CNTN3: variants seen among roughly 807,000 people sequenced by gnomAD.
The protein encoded by CNTN3 is contactin-3.
Under a neutral mutation model 119.1 loss-of-function variants are expected in CNTN3, and 60 were observed. The ratio of observed to expected loss-of-function variants is 0.50; its 90% confidence interval spans 0.41 to 0.62. The LOEUF (loss-of-function observed/expected upper bound fraction) is 0.62. Ranked by LOEUF, CNTN3 falls within the 20% of genes least tolerant of loss-of-function variation. CNTN3 has a pLI of 0.00. For missense variants in CNTN3, 1,101 were observed against 1,242.4 expected (o/e 0.89, Z 1.71); for synonymous variants, 450 against 438.7 (o/e 1.03, Z -0.32).
intron 13 of CNTN3, among the ~76,000 whole-genome samples, chr3:74,327,144 G>C (rs966929543): frequency 1.9e-5 from 1 of 51,968 alleles, no homozygotes; most frequent in Non-Finnish European, 4.2e-5. Context: ...TTGTTTGTTT[G>C]TTTGAGACAG....
At chr3:74,279,840 T>TCC (rs1559677891) in intron 20 of CNTN3, among the ~76,000 whole-genome samples, 1 of 150,174 alleles carries the variant, frequency 6.7e-6, no homozygotes, top group African/African-American at 2.5e-5. Flanking sequence ...ACATAGAGAG[T>TCC]AGAAGGATGA....
chr3:74,577,676 G>A (rs1175890251), intron 1 of CNTN3, among the ~76,000 whole-genome samples: 2 of 151,924 alleles, frequency 1.3e-5, no homozygotes, highest in Non-Finnish European at 1.5e-5. Context: ...TTAAGTGAAA[G>A]AAGGTTGACT....
intron 1 of CNTN3, among the ~76,000 whole-genome samples, chr3:74,590,338 A>G (rs1188747539): frequency 6.6e-6 from 1 of 152,062 alleles, no homozygotes; most frequent in Non-Finnish European, 1.5e-5. Context: ...AAGTAAAGTA[A>G]ACATATACAA....
chr3:74,510,046 CAT>C (rs5850186), intron 2 of CNTN3, among the ~76,000 whole-genome samples: 1 of 147,802 alleles, frequency 6.8e-6, no homozygotes, highest in African/African-American at 2.5e-5. Context: ...TATAAGTTTT[CAT>C]ATATATATAT....
chr3:74,385,738 G>C (rs986687910), intron 5 of CNTN3, among the ~76,000 whole-genome samples: 22 of 152,344 alleles, frequency 1.4e-4, no homozygotes, highest in African/African-American at 5.3e-4. Context: ...CCATATGCAT[G>C]CTGTGGTTGA....
At chr3:74,472,149 T>C (rs1702577022) in intron 4 of CNTN3, among the ~76,000 whole-genome samples, 1 of 152,214 alleles carries the variant, frequency 6.6e-6, no homozygotes, top group Non-Finnish European at 1.5e-5. Flanking sequence ...ATCTCAGTGA[T>C]GAAGATTCCA....
At chr3:74,457,115 T>G (rs1287826267) in intron 4 of CNTN3, among the ~76,000 whole-genome samples, 1 of 152,096 alleles carries the variant, frequency 6.6e-6, no homozygotes, top group African/African-American at 2.4e-5. Flanking sequence ...TAATGGTCTA[T>G]TTTGTTTTAA....
intron 19 of CNTN3, among the ~76,000 whole-genome samples, chr3:74,290,482 C>T (rs1575701282): frequency 6.6e-6 from 1 of 152,202 alleles, no homozygotes; most frequent in African/African-American, 2.4e-5. Flanking sequence ...AGCTGTTCAA[C>T]AACCACCAGT....
Position 74,602,295 on chromosome 3 carries a change from CAAAAAAAAAAA to C in CNTN3, c.-81+12085_-81+12095del, listed in dbSNP as rs1167052275. The stretch of plus-strand genomic sequence containing the variant: ...CAGGCCACAGAGCAAGACCTGGTCT[CAAAAAAAAAAA>C]AAAAAAAAAAAAAAAAGAACAAACA... On this transcript the variant is annotated intron_variant, in intron 1 of 22. Coordinates refer to ENST00000263665, the MANE Select transcript of CNTN3 (RefSeq NM_020872.3). 2.5e-4 allele frequency among the ~76,000 whole-genome samples: 5 copies of C among 19,708 alleles called. No homozygotes were observed. In the East Asian group the frequency reaches 5.8e-3, roughly 23 times the overall value. 12.9% of individuals were successfully genotyped at this position (19,708 alleles called of 152,430 possible). A position where few individuals can be genotyped will look rare whatever the true frequency, so the allele number is the denominator to read the frequency against.
chr3:74,301,313 C>T lies in CNTN3; in HGVS notation c.2095+85G>A, dbSNP rs78756809. ...CAACAATGGATTATTGAGGCTGACCCCCTGCTGGCCTGGAGTTCAGGGCCA... is the reference window on the plus strand; with the variant it reads ...CAACAATGGATTATTGAGGCTGACCTCCTGCTGGCCTGGAGTTCAGGGCCA... On this transcript the variant is annotated intron_variant, in intron 16 of 22. Coordinates refer to ENST00000263665, the MANE Select transcript of CNTN3 (RefSeq NM_020872.3). The T allele has an allele frequency of 1.4e-3, 1,865 of 1,356,444 alleles. 26 individuals are homozygous for T. The African/African-American group carries it at 0.025, about 18-fold the overall frequency. 84.0% of individuals were successfully genotyped at this position (1,356,444 alleles called of 1,614,324 possible).
At chr3:74,319,072 T>C (rs574836813) in intron 13 of CNTN3, among the ~76,000 whole-genome samples, 1 of 152,264 alleles carries the variant, frequency 6.6e-6, no homozygotes, top group Admixed American at 6.5e-5. Flanking sequence ...ATCAATATCG[T>C]TTAAATGGCC....
chr3:74,494,206 T>C (rs868705997), intron 3 of CNTN3, among the ~76,000 whole-genome samples: 3 of 152,068 alleles, frequency 2.0e-5, no homozygotes, highest in Admixed American at 2.0e-4. Flanking sequence ...ACCTTACCGA[T>C]TGCTTAAGAA....
In CNTN3 at chr3:74,507,228, G is replaced by A. The variant is rs373087150; in HGVS notation, c.56-7443C>T. Among the ~76,000 whole-genome samples the A allele has an allele frequency of 5.9e-5, 9 of 152,114 alleles. 1 individual carries two copies. Among genetic ancestry groups the A allele is most frequent in the Admixed American group, 3.3e-4 (5 of 15,276 alleles). On this transcript the variant is annotated intron_variant, in intron 2 of 22. Coordinates refer to ENST00000263665, the MANE Select transcript of CNTN3 (RefSeq NM_020872.3). ...GAAGCCAAGAGTTCAAGACAAGCCT[G>A]GGAAACATAGCAAGACTCCATCTCT...
Position 74,263,723 on chromosome 3 carries a change from A to C in CNTN3, c.*678T>G, listed in dbSNP as rs1368376784. ...TTTCATACTTCAGTCTTTATCTTTT[A>C]AAAACTAATTCATGGGGCAAAGTCT... is the stretch of plus-strand genomic sequence containing the variant. On this transcript the variant is annotated 3_prime_UTR_variant, in exon 23 of 23. Coordinates refer to ENST00000263665, the MANE Select transcript of CNTN3 (RefSeq NM_020872.3). 1 of 152,050 alleles carries C rather than the reference A, an allele frequency of 6.6e-6. No homozygotes were observed. The highest frequency in any genetic ancestry group is 2.4e-5 in the African/African-American group (1 of 41,414). 9.4% of individuals were successfully genotyped at this position (152,050 alleles called of 1,614,324 possible). A position where few individuals can be genotyped will look rare whatever the true frequency, so the allele number is the denominator to read the frequency against.
chr3:74,594,780 AG>A (rs1704769850), intron 1 of CNTN3, among the ~76,000 whole-genome samples: 1 of 151,966 alleles, frequency 6.6e-6, no homozygotes, highest in African/African-American at 2.4e-5. Flanking sequence ...TCTTTATAGC[AG>A]CATGATTTAT....
chr3:74,335,906 T>C (rs1279952691), intron 12 of CNTN3, among the ~76,000 whole-genome samples: 1 of 152,174 alleles, frequency 6.6e-6, no homozygotes, highest in African/African-American at 2.4e-5. Flanking sequence ...TTGCTAATGC[T>C]CTAACTTACC....
chr3:74,265,608 G>T (rs903047209), intron 22 of CNTN3, among the ~76,000 whole-genome samples: 4 of 152,100 alleles, frequency 2.6e-5, no homozygotes, highest in African/African-American at 9.7e-5. Flanking sequence ...TTTAGTCTAA[G>T]TATGGCAGCC....
intron 4 of CNTN3, among the ~76,000 whole-genome samples, chr3:74,428,820 G>A (rs1036001320): frequency 6.6e-6 from 1 of 152,096 alleles, no homozygotes; most frequent in Non-Finnish European, 1.5e-5. Flanking sequence ...CATGGTAAGT[G>A]TTCAGTATAG....
chr3:74,567,872 C>T (rs953926567), intron 1 of CNTN3, among the ~76,000 whole-genome samples: 9 of 152,016 alleles, frequency 5.9e-5, no homozygotes, highest in Admixed American at 2.0e-4. Context: ...TACTAGATTC[C>T]GCCTCCTTGA....
Sources: gnomAD v4.1 joint callset for allele counts (sites outside exome capture counted in the v4.1 genomes callset) on GRCh38, gnomAD v4.1.1 for gene constraint, MANE v1.5 for transcripts, NCBI Gene and HGNC (gene_info 2026-07-23, HGNC 2026-07-21) for gene names.